ROR1: variants seen among roughly 807,000 people sequenced by gnomAD.
The protein encoded by ROR1 is inactive tyrosine-protein kinase transmembrane receptor ROR1.
A neutral mutation model predicts 78.8 loss-of-function variants in ROR1; 19 were observed. The ratio of observed to expected loss-of-function variants is 0.24; its 90% CI spans 0.17 to 0.35. The LOEUF is 0.35. Among genes scored for constraint, ROR1 ranks in the 10% least tolerant of loss-of-function variants. The pLI is 1.00. For missense variants in ROR1, 917 were observed against 1,177.8 expected (o/e 0.78, Z 3.24); for synonymous variants, 386 against 433.6 (o/e 0.89, Z 1.36).
chr1:64,140,505 C>A, intron 6 of ROR1, 79 bp downstream of exon 6: 2 of 1,337,426 alleles, frequency 1.5e-6, no homozygotes, highest in South Asian at 1.3e-5. Context: ...GACCTTGACC[C>A]ATAGTGATTT....
intron 1 of ROR1, among the ~76,000 whole-genome samples, chr1:63,892,316 G>T (rs1645404076): frequency 6.6e-6 from 1 of 152,142 alleles, no homozygotes; most frequent in Non-Finnish European, 1.5e-5. Context: ...CTCTGAAGGA[G>T]ATGATAACAA....
At chr1:63,878,860 A>G (rs2100370808) in intron 1 of ROR1, among the ~76,000 whole-genome samples, 1 of 152,226 alleles carries the variant, frequency 6.6e-6, no homozygotes, top group South Asian at 2.1e-4. Flanking sequence ...ACTTCAGGAG[A>G]GTGCAGACCG....
intron 1 of ROR1, among the ~76,000 whole-genome samples, chr1:63,821,736 G>A (rs896809140): frequency 6.6e-6 from 1 of 152,194 alleles, no homozygotes; most frequent in African/African-American, 2.4e-5. Flanking sequence ...ATTTCTCTGT[G>A]GCATGATACT....
At chr1:63,785,034 A>G (rs1644675511) in intron 1 of ROR1, among the ~76,000 whole-genome samples, 1 of 152,224 alleles carries the variant, frequency 6.6e-6, no homozygotes, top group East Asian at 1.9e-4. Flanking sequence ...AAGGTTAAAC[A>G]TCATAAGGTA....
intron 4 of ROR1, among the ~76,000 whole-genome samples, chr1:64,076,505 G>T (rs886459044): frequency 2.0e-5 from 3 of 152,126 alleles, no homozygotes; most frequent in African/African-American, 7.2e-5. Flanking sequence ...AAAGAAACTT[G>T]CCTCAATTTA....
chr1:63,849,669 C>T (rs1355877184), intron 1 of ROR1, among the ~76,000 whole-genome samples: 3 of 152,018 alleles, frequency 2.0e-5, no homozygotes, highest in African/African-American at 7.2e-5. Context: ...CACACTACAG[C>T]CTGAGGGACA....
At chr1:63,859,141 C>T (rs1557530958) in intron 1 of ROR1, among the ~76,000 whole-genome samples, 2 of 152,012 alleles carry the variant, frequency 1.3e-5, no homozygotes, top group African/African-American at 2.4e-5. Flanking sequence ...CTGGGTTGGG[C>T]GCCCCTCTGC....
rs576862481 is a variant in ROR1, at chr1:64,174,685, G to A, written c.1387-2743G>A. 2.3e-3 allele frequency among the ~76,000 whole-genome samples: 344 copies of A among 152,170 alleles called. 1 individual carries two copies. Among genetic ancestry groups the A allele is most frequent in the African/African-American group, 8.1e-3 (335 of 41,516 alleles). ...AGTGATGTCTACTTTGCCATTCAAG[G>A]GACCTTCACCTAAACTGGATTTATT... On this transcript the variant is annotated intron_variant, in intron 8 of 8. Coordinates refer to ENST00000371079, the MANE Select transcript of ROR1 (RefSeq NM_005012.4).
intron 1 of ROR1, among the ~76,000 whole-genome samples, chr1:63,971,567 A>T (rs543504027): frequency 6.6e-6 from 1 of 152,194 alleles, no homozygotes. Flanking sequence ...TAATATATAT[A>T]TGTATTACTC....
chr1:64,178,545 A>G lies in ROR1; in HGVS notation c.2504A>G (p.His835Arg), dbSNP rs748182987. The G allele has an allele frequency of 9.9e-6, 16 of 1,614,040 alleles. No homozygotes were observed. The Admixed American group carries it at 2.3e-4, about 24-fold the overall frequency. Residue 835 changes from histidine to arginine, a missense_variant, in exon 9 of 9, where the codon CAC becomes CGC. Transcript: ENST00000371079. The surrounding 1 kb of genome is among the most constrained non-coding windows in gnomAD (Gnocchi z 4.3). Reference protein sequence around the residue: ...PPGYAAFPAAHYQPTGPPRVI... With the variant: ...PPGYAAFPAARYQPTGPPRVI... ...GGATATGCAGCGTTTCCAGCTGCCCACTACCAGCCAACAGGTCCTCCCAGA... is the reference window on the plus strand; with the variant it reads ...GGATATGCAGCGTTTCCAGCTGCCCGCTACCAGCCAACAGGTCCTCCCAGA...
chr1:64,081,981 T>C (rs909514461), intron 4 of ROR1, among the ~76,000 whole-genome samples: 1 of 152,218 alleles, frequency 6.6e-6, no homozygotes, highest in Admixed American at 6.5e-5. Flanking sequence ...ACAATAATTC[T>C]TTTCCCTTTA....
At chr1:63,835,072 G>A (rs1173836102) in intron 1 of ROR1, among the ~76,000 whole-genome samples, 1 of 152,006 alleles carries the variant, frequency 6.6e-6, no homozygotes, top group Non-Finnish European at 1.5e-5. Flanking sequence ...TTCAAATAAG[G>A]TGGTCCCATC....
chr1:63,944,859 A>G (rs1437070402), intron 1 of ROR1, among the ~76,000 whole-genome samples: 1 of 152,140 alleles, frequency 6.6e-6, no homozygotes, highest in Non-Finnish European at 1.5e-5. Flanking sequence ...AGTTGGGATA[A>G]TCATCTCTTC....
intron 2 of ROR1, among the ~76,000 whole-genome samples, chr1:64,012,739 T>C (rs1309935982): frequency 6.6e-6 from 1 of 152,146 alleles, no homozygotes; most frequent in African/African-American, 2.4e-5. Flanking sequence ...TGAGAGAGTA[T>C]ATATGTTTAA....
chr1:64,148,452 G>C (rs1053974994), intron 7 of ROR1, among the ~76,000 whole-genome samples: 1 of 152,186 alleles, frequency 6.6e-6, no homozygotes, highest in Non-Finnish European at 1.5e-5. Flanking sequence ...ATGAGACAGA[G>C]TCTCATAGGA....
intron 8 of ROR1, among the ~76,000 whole-genome samples, chr1:64,174,751 A>G (rs1003468956): frequency 5.9e-5 from 9 of 152,178 alleles, no homozygotes; most frequent in African/African-American, 2.2e-4. Context: ...CTCCAATCTT[A>G]ATGTCATGCA....
intron 1 of ROR1, among the ~76,000 whole-genome samples, chr1:63,915,106 T>C (rs1645599120): frequency 6.6e-6 from 1 of 152,202 alleles, no homozygotes; most frequent in African/African-American, 2.4e-5. Flanking sequence ...ATCTTTCTTT[T>C]AAACATACAA....
intron 1 of ROR1, among the ~76,000 whole-genome samples, chr1:63,927,137 G>A (rs1482519281): frequency 1.6e-5 from 1 of 61,446 alleles, no homozygotes; most frequent in African/African-American, 3.4e-5. Flanking sequence ...TATGATATTG[G>A]CTGTGGTTTT....
Position 64,132,785 on chromosome 1 carries a change from G to A in ROR1, c.483-4584G>A, listed in dbSNP as rs867990146. On this transcript the variant is annotated intron_variant, in intron 4 of 8. Transcript: ENST00000371079. ...CAAAAAAAAAAAAAAAAAAAAAAAAGAGAGAGAGATAGGCATTTTAACTGA... is the reference window on the plus strand; with the variant it reads ...CAAAAAAAAAAAAAAAAAAAAAAAAAAGAGAGAGATAGGCATTTTAACTGA... 4.5e-3 allele frequency among the ~76,000 whole-genome samples: 439 copies of A among 98,314 alleles called. 6 individuals carry two copies. The highest frequency in any genetic ancestry group is 0.016 in the African/African-American group (399 of 24,986). 64.5% of individuals were successfully genotyped at this position (98,314 alleles called of 152,430 possible). A position where few individuals can be genotyped will look rare whatever the true frequency, so the allele number is the denominator to read the frequency against.
Sources: allele counts gnomAD v4.1 joint callset (sites outside exome capture counted in the v4.1 genomes callset), GRCh38; gene constraint gnomAD v4.1.1; non-coding constraint Gnocchi (gnomAD v3.1); transcripts MANE v1.5; gene names NCBI Gene and HGNC (gene_info 2026-07-23, HGNC 2026-07-21).